The following PPRC1 variants were observed in gnomAD, a reference collection of about 807,000 sequenced individuals.
PPRC1 encodes the protein PPARG related coactivator 1, also known as peroxisome proliferator-activated receptor gamma coactivator-related protein 1.
PPRC1 carries 23 observed loss-of-function variants against 132.5 expected under a neutral mutation model. The observed-to-expected ratio is 0.17, with a 90% CI of 0.12 to 0.25. The LOEUF (loss-of-function observed/expected upper bound fraction) is 0.25, where lower values mean the gene tolerates loss of function less well. PPRC1 is among the 10% of genes least tolerant of loss of function. The probability of loss-of-function intolerance (pLI) is 1.00; values close to 1 mark genes in which losing one functional copy is unlikely to be tolerated. For missense variants in PPRC1, 2,006 were observed against 2,089.1 expected (o/e 0.96, Z 0.78); for synonymous variants, 872 against 833.5 (o/e 1.05, Z -0.80).
At chr10:102,143,867 A>G (rs1198139986) in intron 6 of PPRC1, among the ~76,000 whole-genome samples, 2 of 152,228 alleles carry the variant, frequency 1.3e-5, no homozygotes, top group African/African-American at 2.4e-5. Flanking sequence ...CTTATGGTCT[A>G]ACTGGGGAGA....
chr10:102,131,399 AAAAG>A (rs1337442044), upstream of PPRC1, among the ~76,000 whole-genome samples: 75 of 152,186 alleles, frequency 4.9e-4, no homozygotes, highest in African/African-American at 1.5e-3. Flanking sequence ...AAAAAAAAAA[AAAAG>A]AAAGAACATC....
rs770203305 is a variant in PPRC1, at chr10:102,140,830, C to T, written c.2322C>T (p.Pro774=). Residue 774 remains proline, a synonymous_variant, in exon 5 of 14, where the codon CCC becomes CCT. Coordinates refer to ENST00000278070, the MANE Select transcript of PPRC1 (RefSeq NM_015062.5). ...QAETEERSPQ[P]PTGKWPSLPE... ...AAACAGAAGAGAGAAGTCCACAGCC[C>T]CCAACTGGGAAGTGGCCTAGCCTTC... 6 of 1,613,986 alleles carry T rather than the reference C, an allele frequency of 3.7e-6. No homozygotes were observed. Among genetic ancestry groups the T allele is most frequent in the Non-Finnish European group, 5.1e-6 (6 of 1,179,998 alleles).
At chr10:102,138,401 C>T (rs1382923042) in intron 2 of PPRC1, among the ~76,000 whole-genome samples, 1 of 152,188 alleles carries the variant, frequency 6.6e-6, no homozygotes, top group Middle Eastern at 3.2e-3. Flanking sequence ...ATGTGTGAAA[C>T]CCAAGCTTGA....
chr10:102,150,103 A>G lies in PPRC1; in HGVS notation c.*74A>G. On this transcript the variant is annotated 3_prime_UTR_variant, in exon 14 of 14. Coordinates refer to ENST00000278070, the MANE Select transcript of PPRC1 (RefSeq NM_015062.5). ...CTCCTCCACCCCCTTCCCCTACTCTAGGGGAGAGAGCTGCTAGTGAGATGA... is the reference window on the plus strand; with the variant it reads ...CTCCTCCACCCCCTTCCCCTACTCTGGGGGAGAGAGCTGCTAGTGAGATGA... The G allele has an allele frequency of 9.3e-7, 1 of 1,080,280 alleles. No individual in the cohort carries two copies. Among genetic ancestry groups the G allele is most frequent in the Non-Finnish European group, 1.4e-6 (1 of 705,046 alleles). 66.9% of individuals were successfully genotyped at this position (1,080,280 alleles called of 1,614,324 possible).
At position 102,139,605 on chromosome 10, in the gene PPRC1, G is replaced by A. The variant is rs771195494; in HGVS notation, c.1097G>A (p.Arg366Gln). The A allele has an allele frequency of 1.5e-5, 25 of 1,613,770 alleles. 1 individual carries two copies. The Middle Eastern group carries it at 4.9e-4, about 32-fold the overall frequency. The change falls in exon 5 of 14, where the codon CGA becomes CAA. Residue 366 changes from arginine to glutamine, a missense_variant. Arg to Gln is a conservative substitution (Grantham distance 43, BLOSUM62 1). This residue lies in a region of PPRC1 where 1,914 missense variants were observed against 1,917.2 expected (regional missense o/e 1.00). Coordinates refer to ENST00000278070, the MANE Select transcript of PPRC1 (RefSeq NM_015062.5). ...GDDLEIPVVV[R>Q]QVSPGPRPVL... ...GACCTGGAGATCCCAGTTGTGGTGC[G>A]ACAGGTCTCTCCTGGACCCCGGCCT...
the PPRC1 span, chr10:102,120,010 C>T: frequency 8.2e-7 from 1 of 1,218,546 alleles, no homozygotes; most frequent in Non-Finnish European, 1.1e-6. Flanking sequence ...CACACAAGTT[C>T]TCGCCAAACA....
chr10:102,145,021 G>A lies in PPRC1; in HGVS notation c.3610G>A (p.Gly1204Ser), dbSNP rs762643672. Residue 1204 changes from glycine (G) to serine (S), a missense_variant and splice_region_variant, in exon 8 of 14, where the codon GGC (glycine) becomes AGC (serine). Transcript: ENST00000278070. ...ADSLAVGNSGGVDIPQEKRPL... is the reference protein window; with the variant it reads ...ADSLAVGNSGSVDIPQEKRPL... ...CTTTCCCTTTTCCCCCCCCGCCAGC[G>A]GCGTTGACATTCCCCAGGAGAAGAG... The A allele has an allele frequency of 8.8e-6, 14 of 1,598,174 alleles. No individual in the cohort carries two copies. The Admixed American group carries it at 8.8e-5, about 10-fold the overall frequency.
intron 2 of PPRC1, 110 bp downstream of exon 2, chr10:102,138,148 G>A (rs755730130): frequency 1.7e-6 from 2 of 1,156,062 alleles, no homozygotes; most frequent in East Asian, 2.6e-5. Context: ...TTCTTCCTGG[G>A]TGCCCAACCT....
In PPRC1 at chr10:102,149,321, C is replaced by G; in HGVS notation, c.4883C>G (p.Ser1628Cys). 2 of 1,589,808 alleles carry G rather than the reference C, an allele frequency of 1.3e-6. No individual in the cohort carries two copies. The highest frequency in any genetic ancestry group is 1.7e-6 in the Non-Finnish European group (2 of 1,166,792). Reference protein sequence around the residue: ...GRRQFCKRSYSDLDSNREDFD... With the variant: ...GRRQFCKRSYCDLDSNREDFD... ...AGGCAGTTCTGCAAGAGGAGCTATT[C>G]TGATCTTGGTGAGTGGAGGGAGGGC... The change falls in exon 13 of 14, where the codon TCT becomes TGT. Residue 1628 changes from serine to cysteine, a missense_variant. By Grantham distance (112) the Ser-to-Cys change is moderately radical. Transcript: ENST00000278070.
intron 6 of PPRC1, 94 bp from the exon 7 acceptor site, chr10:102,144,156 G>A: frequency 8.0e-7 from 1 of 1,252,854 alleles, no homozygotes; most frequent in Non-Finnish European, 1.2e-6. Flanking sequence ...AGGCAAAGTG[G>A]ATTTTCCTCC....
intron 1 of PPRC1, among the ~76,000 whole-genome samples, chr10:102,136,481 T>C (rs2068726626): frequency 6.6e-6 from 1 of 152,156 alleles, no homozygotes; most frequent in Admixed American, 6.5e-5. Context: ...TTTCCCCTTA[T>C]CCACAGTTTC....
Position 102,147,300 on chromosome 10 carries a change from G to T in PPRC1, c.4308G>T (p.Arg1436=), listed in dbSNP as rs759074602. 3.7e-6 allele frequency: 6 copies of T among 1,612,712 alleles called. No individual in the cohort carries two copies. In the Admixed American group the frequency reaches 8.3e-5, roughly 22 times the overall value. The change falls in exon 9 of 14, where the codon CGG becomes CGT. Residue 1436 remains arginine, a synonymous_variant. Transcript: ENST00000278070. ...GTTCTGTCAGCTCTGGGTCCAACCG[G>T]ACTAGCGAAGCATCTTCCTCATCCT... is the stretch of plus-strand genomic sequence containing the variant. ...NSRSVSSGSN[R]TSEASSSSSS... is the part of the protein sequence containing the mutation.
At chr10:102,142,906 G>C (rs1025346455) in intron 5 of PPRC1, 139 bp from the exon 6 acceptor site, 112 of 665,994 alleles carry the variant, frequency 1.7e-4, no homozygotes, top group Admixed American at 9.0e-5. Context: ...TTCATGCTTT[G>C]TGCTGCTACC....
At position 102,141,511 on chromosome 10, in the gene PPRC1, T is replaced by C. The variant is rs751270805; in HGVS notation, c.3003T>C (p.Pro1001=). Residue 1001 remains proline, a synonymous_variant, in exon 5 of 14, where the codon CCT becomes CCC. Coordinates refer to ENST00000278070, the MANE Select transcript of PPRC1 (RefSeq NM_015062.5). The part of the protein sequence containing the change: ...APFWSTVPPP[P]LPPASIGRAV... Reference sequence around the variant, plus strand: ...TCTGGTCTACTGTTCCCCCACCTCCTTTGCCTCCAGCCTCCATTGGGAGAG... The same window carrying C: ...TCTGGTCTACTGTTCCCCCACCTCCCTTGCCTCCAGCCTCCATTGGGAGAG... 1.9e-6 allele frequency: 3 copies of C among 1,613,956 alleles called. No homozygotes were observed. The highest frequency in any genetic ancestry group is 4.5e-5 in the East Asian group (2 of 44,876).
chr10:102,125,257 ATT>A, the PPRC1 span, among the ~76,000 whole-genome samples: 25 of 119,734 alleles, frequency 2.1e-4, no homozygotes, highest in East Asian at 1.6e-3. Context: ...CACCCAGTTA[ATT>A]TTTTTTTTTT....
At position 102,140,216 on chromosome 10, in the gene PPRC1, A is replaced by G. The variant is rs2068897029; in HGVS notation, c.1708A>G (p.Ile570Val). ...KLADTIQTNP[I>V]PTHLSLVDSA... ...GGCTGACACTATCCAAACCAATCCTATACCAACCCATCTCTCATTGGTCGA... is the reference window on the plus strand; with the variant it reads ...GGCTGACACTATCCAAACCAATCCTGTACCAACCCATCTCTCATTGGTCGA... Residue 570 changes from isoleucine to valine, a missense_variant, in exon 5 of 14, where the codon ATA becomes GTA. This residue lies in a region of PPRC1 where 1,914 missense variants were observed against 1,917.2 expected (regional missense o/e 1.00). Transcript: ENST00000278070. 1.9e-6 allele frequency: 3 copies of G among 1,614,166 alleles called. No homozygotes were observed. The highest frequency in any genetic ancestry group is 2.5e-6 in the Non-Finnish European group (3 of 1,180,018).
chr10:102,136,737 G>C (rs1006964245), intron 1 of PPRC1, among the ~76,000 whole-genome samples: 5 of 152,120 alleles, frequency 3.3e-5, no homozygotes, highest in African/African-American at 1.2e-4. Context: ...GGGGATCTTG[G>C]AATGTATCCC....
rs2069122322 is a variant in PPRC1, at chr10:102,144,260, G to T, written c.3561G>T (p.Glu1187Asp). The change falls in exon 7 of 14, where the codon GAG becomes GAT. Residue 1187 changes from glutamate (E) to aspartate (D), a missense_variant. Around this residue, in one of 2 missense-constraint regions of PPRC1, gnomAD observed 1,914 missense variants for 1,917.2 expected, o/e 1.00. Coordinates refer to ENST00000278070, the MANE Select transcript of PPRC1 (RefSeq NM_015062.5). ...EQFEKSEAKK[E>D]CPPPAPADSL... ...ATGGTTTCTTTGCAGCCAAAAAGGA[G>T]TGTCCTCCTCCGGCTCCTGCTGACA... The T allele has an allele frequency of 3.1e-6, 5 of 1,614,188 alleles. No homozygotes were observed. Among genetic ancestry groups the T allele is most frequent in the Admixed American group, 1.7e-5 (1 of 60,016 alleles).
At chr10:102,127,020 CATATAT>C in the PPRC1 span, among the ~76,000 whole-genome samples, 2,407 of 87,148 alleles carry the variant, frequency 0.028, 45 homozygotes, top group East Asian at 0.066. Flanking sequence ...GGTTTTTTAT[CATATAT>C]ATATATATAT....
Sources: gnomAD v4.1 joint callset for allele counts (sites outside exome capture counted in the v4.1 genomes callset) on GRCh38, gnomAD v4.1.1 for gene constraint, gnomAD v4.1.1 regional missense constraint, MANE v1.5 for transcripts, NCBI Gene and HGNC (gene_info 2026-07-23, HGNC 2026-07-21) for gene names.